The following NEK9 variants were observed in gnomAD, a reference collection of about 807,000 sequenced individuals.
NEK9 encodes the protein NIMA related kinase 9.
NEK9 carries 75 observed loss-of-function variants against 123.4 expected under a neutral mutation model. That is an observed-to-expected ratio of 0.61 (90% CI 0.50 to 0.74). NEK9 has a LOEUF of 0.74. Ranked by LOEUF, NEK9 falls within the 30% of genes least tolerant of loss-of-function variation. The pLI, the probability that NEK9 is intolerant of heterozygous loss-of-function variation, is 0.00. For synonymous variants in NEK9, 438 were observed against 458.7 expected (o/e 0.95, Z 0.58); for missense variants, 952 against 1,214.4 (o/e 0.78, Z 3.21).
Position 75,106,016 on chromosome 14 carries a change from G to A in NEK9, c.1529-20C>T, listed in dbSNP as rs368537787. On this transcript the variant is annotated intron_variant, in intron 12 of 21. Coordinates refer to ENST00000238616, the MANE Select transcript of NEK9 (RefSeq NM_033116.6). ...GTCGTCCTGAAACACACATAAGAAT[G>A]AAAATCATTATAATGAGGGCTTCCT... The A allele has an allele frequency of 1.4e-5, 22 of 1,606,870 alleles. No individual in the cohort carries two copies. Among genetic ancestry groups the A allele is most frequent in the Non-Finnish European group, 1.8e-5 (21 of 1,173,598 alleles).
At chr14:75,090,343 T>A (rs1334171208) in intron 19 of NEK9, among the ~76,000 whole-genome samples, 1 of 144,422 alleles carries the variant, frequency 6.9e-6, no homozygotes, top group Non-Finnish European at 1.5e-5. Flanking sequence ...CTGTAGAAAA[T>A]GAGAAAATAC....
intron 16 of NEK9, among the ~76,000 whole-genome samples, chr14:75,098,576 C>G (rs1894464715): frequency 6.6e-6 from 1 of 152,210 alleles, no homozygotes; most frequent in African/African-American, 2.4e-5. Flanking sequence ...ACTTAGAAGA[C>G]TAGGCTGCTG....
chr14:75,096,993 T>C (rs1385229203), intron 17 of NEK9, 107 bp downstream of exon 17: 1 of 1,054,956 alleles, frequency 9.5e-7, no homozygotes, highest in Non-Finnish European at 1.3e-6. Context: ...CTTACAGAAA[T>C]GGCTTCTTCA....
chr14:75,125,579 C>T (rs1895495850), intron 1 of NEK9, among the ~76,000 whole-genome samples: 1 of 152,170 alleles, frequency 6.6e-6, no homozygotes, highest in East Asian at 1.9e-4. Context: ...GTTTTAGTTT[C>T]TCTAACTAAA....
At chr14:75,099,608 C>G (rs955066670) in intron 16 of NEK9, among the ~76,000 whole-genome samples, 1 of 150,756 alleles carries the variant, frequency 6.6e-6, no homozygotes, top group Non-Finnish European at 1.5e-5. Flanking sequence ...AGGGCAAAAC[C>G]CCATCTCTAC....
At position 75,106,691 on chromosome 14, in the gene NEK9, G is replaced by C. The variant is rs1253534770; in HGVS notation, c.1339C>G (p.Leu447Val). ...TAATAATCTGATCCGAAGGCATAGAGCTGACCCTCATCTGCAAAAGAAAGG... is the reference window on the plus strand; with the variant it reads ...TAATAATCTGATCCGAAGGCATAGACCTGACCCTCATCTGCAAAAGAAAGG... ...FTVCVTDEGQLYAFGSDYYGC... is the reference protein window; with the variant it reads ...FTVCVTDEGQVYAFGSDYYGC... Residue 447 changes from leucine to valine, a missense_variant, in exon 12 of 22, where the codon CTC (leucine) becomes GTC (valine). Coordinates refer to ENST00000238616, the MANE Select transcript of NEK9 (RefSeq NM_033116.6). 1.9e-6 allele frequency: 3 copies of C among 1,610,434 alleles called. No homozygotes were observed. The African/African-American group carries it at 4.0e-5, about 22-fold the overall frequency.
At chr14:75,109,270 C>A (rs1001507447) in intron 10 of NEK9, among the ~76,000 whole-genome samples, 7 of 152,214 alleles carry the variant, frequency 4.6e-5, no homozygotes, top group African/African-American at 1.7e-4. Flanking sequence ...TCAATCACTG[C>A]TGTGGGCTTC....
intron 16 of NEK9, among the ~76,000 whole-genome samples, chr14:75,099,873 G>C (rs947214976): frequency 6.6e-6 from 1 of 151,354 alleles, no homozygotes; most frequent in Non-Finnish European, 1.5e-5. Flanking sequence ...GCTCACACCT[G>C]TAATCCCAGC....
intron 14 of NEK9, among the ~76,000 whole-genome samples, chr14:75,103,192 A>AT (rs1701870425): frequency 6.6e-6 from 1 of 151,526 alleles, no homozygotes; most frequent in Non-Finnish European, 1.5e-5. Flanking sequence ...TAAAAGTATA[A>AT]TAAAAAAAAA....
In NEK9 at chr14:75,120,575, C is replaced by T; in HGVS notation, c.459G>A (p.Val153=). 1.2e-6 allele frequency: 2 copies of T among 1,610,332 alleles called. No individual in the cohort carries two copies. Among genetic ancestry groups the T allele is most frequent in the Non-Finnish European group, 1.7e-6 (2 of 1,177,422 alleles). Residue 153 remains valine, a synonymous_variant, in exon 4 of 22, where the codon GTG becomes GTA. Transcript: ENST00000238616. The stretch of plus-strand genomic sequence containing the variant: ...AAACAATCTGAAATAGGTACCACAC[C>T]ACCATCTGCAGAGAAAAAATAAATA... The part of the protein sequence containing the change: ...QKDKLFEEEM[V]VWYLFQIVSA...
rs531149982 is a variant in NEK9, at chr14:75,099,739, G to A, written c.2002+1253C>T. On this transcript the variant is annotated intron_variant, in intron 16 of 21. Transcript: ENST00000238616. ...GGTAGTTGCAGTGAGCTGAGATCGC[G>A]CCACTGCACTCCAGCCTGGGCGACA... Among the ~76,000 whole-genome samples the A allele has an allele frequency of 9.1e-5, 13 of 142,678 alleles. No individual in the cohort carries two copies. In the East Asian group the frequency reaches 2.3e-3, roughly 26 times the overall value. The allele number at this position is 142,678 out of a possible 152,430, so 93.6% of individuals were successfully genotyped here.
chr14:75,124,152 C>A lies in NEK9; in HGVS notation c.291G>T (p.Leu97Phe). ...GCAGTGCCAGAATAACAATCTCATT[C>A]AAGGCATCACGACGTTCCTTCTCAG... is the stretch of plus-strand genomic sequence containing the variant. The part of the protein sequence containing the change: ...RLSEKERRDA[L>F]NEIVILALLQ... The change falls in exon 2 of 22, where the codon TTG (leucine) becomes TTT (phenylalanine). Residue 97 changes from leucine to phenylalanine, a missense_variant. This residue lies in a region of NEK9 where 106 missense variants were observed against 153.0 expected (regional missense o/e 0.69). Coordinates refer to ENST00000238616, the MANE Select transcript of NEK9 (RefSeq NM_033116.6). 1 of 1,614,048 alleles carries A rather than the reference C, an allele frequency of 6.2e-7. No individual in the cohort carries two copies.
chr14:75,097,934 G>A (rs1894442182), intron 16 of NEK9, among the ~76,000 whole-genome samples: 1 of 152,178 alleles, frequency 6.6e-6, no homozygotes, highest in South Asian at 2.1e-4. Flanking sequence ...AACAGAAGGG[G>A]TCAGGAGGTG....
At position 75,080,004 on chromosome 14, in the gene NEK9, A is replaced by T. The variant is rs753402791; in HGVS notation, c.*4560T>A. On this transcript the variant is annotated 3_prime_UTR_variant, in exon 22 of 22. Coordinates refer to ENST00000238616, the MANE Select transcript of NEK9 (RefSeq NM_033116.6). ...AGTCAATGCCTTAAGTGTTCCCTTT[A>T]ATCTCTACATGTTTAGGCCTTGGTT... 1 of 152,172 alleles carries T rather than the reference A, an allele frequency of 6.6e-6. No individual in the cohort carries two copies. The highest frequency in any genetic ancestry group is 1.5e-5 in the Non-Finnish European group (1 of 68,034). The allele number at this position is 152,172 out of a possible 1,614,324, so 9.4% of individuals were successfully genotyped here.
chr14:75,085,907 A>G (rs1894005935), intron 21 of NEK9, among the ~76,000 whole-genome samples: 1 of 151,810 alleles, frequency 6.6e-6, no homozygotes, highest in Non-Finnish European at 1.5e-5. Context: ...ATACATAAAT[A>G]AGGCCTGGCG....
intron 4 of NEK9, 125 bp downstream of exon 4, chr14:75,120,385 A>G: frequency 1.7e-6 from 1 of 585,884 alleles, no homozygotes; most frequent in Admixed American, 3.2e-5. Flanking sequence ...TTCCTTTCCT[A>G]GTGATATCAA....
At chr14:75,090,075 C>T (rs1894162356) in intron 19 of NEK9, among the ~76,000 whole-genome samples, 1 of 152,004 alleles carries the variant, frequency 6.6e-6, no homozygotes, top group Admixed American at 6.6e-5. Flanking sequence ...TCAGGTGATC[C>T]TCCCGCCTTG....
chr14:75,092,259 A>C (rs1894242321), intron 18 of NEK9, among the ~76,000 whole-genome samples: 1 of 141,260 alleles, frequency 7.1e-6, no homozygotes, highest in Non-Finnish European at 1.5e-5. Flanking sequence ...GGCGTGAGCC[A>C]CTGCACCCAG....
intron 1 of NEK9, 106 bp from the exon 2 acceptor site, chr14:75,124,329 A>C (rs1229716736): frequency 1.1e-6 from 1 of 883,742 alleles, no homozygotes; most frequent in African/African-American, 1.7e-5. Context: ...AGGGGCACAG[A>C]CTGACTCCTC....
Sources: gnomAD v4.1 joint callset for allele counts (sites outside exome capture counted in the v4.1 genomes callset) on GRCh38, gnomAD v4.1.1 for gene constraint, gnomAD v4.1.1 regional missense constraint, MANE v1.5 for transcripts, NCBI Gene and HGNC (gene_info 2026-07-23, HGNC 2026-07-21) for gene names.